Variants in SHOC1 observed in about 807,000 individuals in gnomAD.
SHOC1 encodes the protein shortage in chiasmata 1, also known as protein shortage in chiasmata 1 ortholog.
Under a neutral mutation model 179.2 loss-of-function variants are expected in SHOC1, and 136 were observed. That is an observed-to-expected ratio of 0.76 (90% CI 0.66 to 0.87). The LOEUF is 0.87. Among genes scored for constraint, SHOC1 ranks in the 40% least tolerant of loss-of-function variants. The pLI, the probability that SHOC1 is intolerant of heterozygous loss-of-function variation, is 0.00. For missense variants in SHOC1, 1,538 were observed against 1,700.8 expected, an observed-to-expected ratio of 0.90 and a Z score of 1.68; for synonymous variants, 489 against 586.6, an observed-to-expected ratio of 0.83 and a Z score of 2.41.
At chr9:111,775,557 C>T (rs1216074346) in intron 5 of SHOC1, among the ~76,000 whole-genome samples, 1 of 152,078 alleles carries the variant, frequency 6.6e-6, no homozygotes, top group Non-Finnish European at 1.5e-5. Flanking sequence ...ATACTATGAT[C>T]AAATCTCTGC....
intron 27 of SHOC1, among the ~76,000 whole-genome samples, chr9:111,690,543 T>C (rs1298361042): frequency 6.6e-6 from 1 of 152,188 alleles, no homozygotes; most frequent in East Asian, 1.9e-4. Context: ...GCATAGATAT[T>C]TTAATATTAG....
rs201654404 is a variant in SHOC1, at chr9:111,691,850, T to C, written c.4127A>G (p.Tyr1376Cys). 1.7e-5 allele frequency: 28 copies of C among 1,613,752 alleles called. No homozygotes were observed. The East Asian group carries it at 4.0e-4, about 23-fold the overall frequency. ...EQENHPFNLQ[Y>C]GAQQTACNKL... ...GTTACATGCAGTCTGCTGTGCACCA[T>C]ATTGTAAGTTGAACGGGTGATTCTC... Residue 1376 changes from tyrosine (Y) to cysteine (C), a missense_variant, in exon 27 of 28, where the codon TAT (tyrosine) becomes TGT (cysteine). Transcript: ENST00000682961.
At chr9:111,692,584 G>T in intron 26 of SHOC1, 73 bp from the exon 27 acceptor site, 1 of 1,132,806 alleles carries the variant, frequency 8.8e-7, no homozygotes, top group Non-Finnish European at 1.2e-6. Flanking sequence ...TATATGGAAA[G>T]AAGGCAAAAT....
At chr9:111,759,363 C>G (rs970295831) in intron 5 of SHOC1, 1 of 1,485,010 alleles carries the variant, frequency 6.7e-7, no homozygotes, top group Non-Finnish European at 9.0e-7. Flanking sequence ...CACATGGTTG[C>G]TATAAAATTA....
chr9:111,744,058 T>C (rs1361642446), intron 10 of SHOC1, among the ~76,000 whole-genome samples: 1 of 152,226 alleles, frequency 6.6e-6, no homozygotes, highest in Non-Finnish European at 1.5e-5. Context: ...ATTTGAGTTA[T>C]AACAATAGAC....
intron 21 of SHOC1, 51 bp downstream of exon 21, chr9:111,705,196 C>CACACACAG: frequency 1.5e-6 from 1 of 681,106 alleles, no homozygotes; most frequent in Non-Finnish European, 2.5e-6. Context: ...CACACACACA[C>CACACACAG]ATATATATAT....
intron 3 of SHOC1, among the ~76,000 whole-genome samples, chr9:111,784,119 A>T (rs1836178865): frequency 6.6e-6 from 1 of 152,224 alleles, no homozygotes. Context: ...CAAGTGAGGA[A>T]AGGAGGCCAA....
chr9:111,758,645 C>T, intron 6 of SHOC1, 50 bp downstream of exon 6: 1 of 1,477,066 alleles, frequency 6.8e-7, no homozygotes, highest in Non-Finnish European at 9.1e-7. Context: ...CATACTAAAA[C>T]ATTTTCACCT....
rs758396687 is a variant in SHOC1 at position 111,756,419 on chromosome 9, A to G, written c.768T>C (p.Ile256=). Residue 256 remains isoleucine (I), a synonymous_variant, in exon 8 of 28, where the codon ATT becomes ATC. Coordinates refer to ENST00000682961, the MANE Select transcript of SHOC1 (RefSeq NM_001378211.1). The stretch of plus-strand genomic sequence containing the variant: ...TCAGTTCTGAGAGTGATGGAATATC[A>G]ATTTCTGGTTTGAGGCTTGGAGGTA... ...FLIPPSLKPE[I]DIPSLSELKE... is the part of the protein sequence containing the mutation. 6.2e-7 allele frequency: 1 copy of G among 1,612,270 alleles called. No homozygotes were observed. Among genetic ancestry groups the G allele is most frequent in the South Asian group, 1.1e-5 (1 of 90,796 alleles).
intron 8 of SHOC1, among the ~76,000 whole-genome samples, chr9:111,748,484 G>A (rs995170151): frequency 1.3e-5 from 2 of 152,146 alleles, no homozygotes; most frequent in African/African-American, 4.8e-5. Flanking sequence ...AAGATAGGGT[G>A]GGCAATCCAT....
intron 8 of SHOC1, among the ~76,000 whole-genome samples, chr9:111,750,250 T>C (rs1487115368): frequency 1.3e-5 from 2 of 152,208 alleles, no homozygotes; most frequent in Admixed American, 6.5e-5. Flanking sequence ...TGTTATTTCA[T>C]TGTGGCTTTG....
intron 24 of SHOC1, among the ~76,000 whole-genome samples, chr9:111,695,844 T>C (rs1006882677): frequency 6.6e-6 from 1 of 152,142 alleles, no homozygotes; most frequent in Non-Finnish European, 1.5e-5. Context: ...ATGCTATAAA[T>C]AGAAAGATAT....
intron 27 of SHOC1, 96 bp from the exon 28 acceptor site, chr9:111,686,966 A>G (rs1050413056): frequency 1.7e-5 from 12 of 709,024 alleles, no homozygotes; most frequent in Admixed American, 7.8e-5. Flanking sequence ...CTTTTTTGAG[A>G]TGAAGTTTTG....
rs1833357234 is a variant in SHOC1 at position 111,727,617 on chromosome 9, T to C, written c.1834+16A>G. Reference sequence around the variant, plus strand: ...AGCCTACCATATCTACGGCAAAATATTATTAAATTACTTACCATGTTTTTC... The same window carrying C: ...AGCCTACCATATCTACGGCAAAATACTATTAAATTACTTACCATGTTTTTC... On this transcript the variant is annotated intron_variant, in intron 13 of 27. Transcript: ENST00000682961. 6.5e-7 allele frequency: 1 copy of C among 1,541,112 alleles called. No individual in the cohort carries two copies. The highest frequency in any genetic ancestry group is 1.4e-5 in the African/African-American group (1 of 72,212).
chr9:111,793,018 G>T (rs1836500297), intron 1 of SHOC1, among the ~76,000 whole-genome samples: 1 of 152,108 alleles, frequency 6.6e-6, no homozygotes, highest in South Asian at 2.1e-4. Context: ...GAGTAGTTGG[G>T]ACTATAGGCG....
intron 3 of SHOC1, among the ~76,000 whole-genome samples, chr9:111,784,181 A>G (rs1428747435): frequency 6.6e-6 from 1 of 152,136 alleles, no homozygotes; most frequent in Non-Finnish European, 1.5e-5. Context: ...AATGTAACCA[A>G]TTGCCTTCTT....
intron 11 of SHOC1, among the ~76,000 whole-genome samples, chr9:111,739,835 T>C (rs1385902926): frequency 6.6e-6 from 1 of 152,234 alleles, no homozygotes; most frequent in Non-Finnish European, 1.5e-5. Flanking sequence ...GATTGTTGTC[T>C]ATTAGCATGT....
chr9:111,718,327 C>T (rs1367607516), intron 15 of SHOC1, 39 bp from the exon 16 acceptor site: 3 of 1,303,982 alleles, frequency 2.3e-6, no homozygotes, highest in South Asian at 2.8e-5. Flanking sequence ...ATAGACTATA[C>T]ATTACAGTTT....
chr9:111,763,411 A>G (rs995095423), intron 5 of SHOC1, among the ~76,000 whole-genome samples: 10 of 152,156 alleles, frequency 6.6e-5, no homozygotes, highest in African/African-American at 2.4e-4. Flanking sequence ...GAAAAATATC[A>G]TTAAAATTTT....
Sources: allele counts gnomAD v4.1 joint callset (sites outside exome capture counted in the v4.1 genomes callset), GRCh38; gene constraint gnomAD v4.1.1; transcripts MANE v1.5; gene names NCBI Gene and HGNC (gene_info 2026-07-23, HGNC 2026-07-21).